Variants in ABCB4 observed in about 807,000 individuals in gnomAD.
ABCB4 encodes the protein phosphatidylcholine translocator ABCB4.
ABCB4 carries 76 observed loss-of-function variants against 145.7 expected under a neutral mutation model. The ratio of observed to expected loss-of-function variants is 0.52; its 90% confidence interval spans 0.43 to 0.63. The LOEUF (loss-of-function observed/expected upper bound fraction) is 0.63. Ranked by LOEUF, ABCB4 falls within the 30% of genes least tolerant of loss-of-function variation. The pLI is 0.00. For missense variants in ABCB4, 1,234 were observed against 1,553.1 expected, an observed-to-expected ratio of 0.79 and a Z score of 3.45; for synonymous variants, 517 against 566.8, an observed-to-expected ratio of 0.91 and a Z score of 1.25.
chr7:87,432,238 A>C lies in ABCB4; in HGVS notation c.1732-673T>G, dbSNP rs45529936. ...TTGCTGGGTGGATTTATAAATGGGC[A>C]TTTAAACCCTGGATAATGCCAATAA... is the stretch of plus-strand genomic sequence containing the variant. On this transcript the variant is annotated intron_variant, in intron 14 of 27. Coordinates refer to ENST00000649586, the MANE Select transcript of ABCB4 (RefSeq NM_000443.4). 2.0e-3 allele frequency among the ~76,000 whole-genome samples: 303 copies of C among 152,322 alleles called. 4 individuals carry two copies. The highest frequency in any genetic ancestry group is 0.018 in the Admixed American group (268 of 15,282).
chr7:87,451,322 G>C (rs1366619769), intron 7 of ABCB4, among the ~76,000 whole-genome samples: 1 of 152,050 alleles, frequency 6.6e-6, no homozygotes, highest in Non-Finnish European at 1.5e-5. Flanking sequence ...TTTTAGTAGA[G>C]ACAGAGTTTT....
intron 12 of ABCB4, among the ~76,000 whole-genome samples, chr7:87,441,465 G>GC (rs1455625170): frequency 2.0e-5 from 3 of 151,854 alleles, no homozygotes; most frequent in African/African-American, 7.3e-5. Context: ...CCAGAGAGTC[G>GC]CATGTTCATA....
chr7:87,382,272 C>A, the ABCB4 span: 8 of 1,403,542 alleles, frequency 5.7e-6, no homozygotes, highest in Non-Finnish European at 6.9e-6. Context: ...CATGTCTGCA[C>A]AAAACATTTT....
intron 12 of ABCB4, among the ~76,000 whole-genome samples, chr7:87,441,196 A>G (rs1161003706): frequency 6.6e-6 from 1 of 152,198 alleles, no homozygotes; most frequent in East Asian, 1.9e-4. Flanking sequence ...TTACATGTAC[A>G]ATGACTGGAT....
chr7:87,366,617 A>G, the ABCB4 span, among the ~76,000 whole-genome samples: 1 of 152,180 alleles, frequency 6.6e-6, no homozygotes, highest in Non-Finnish European at 1.5e-5. Context: ...TGTGATTTAC[A>G]GTTTAATGAT....
At chr7:87,372,375 T>TTG in the ABCB4 span, among the ~76,000 whole-genome samples, 1 of 152,224 alleles carries the variant, frequency 6.6e-6, no homozygotes, top group Non-Finnish European at 1.5e-5. Context: ...TGGATAATAT[T>TTG]TGTGTGTCTT....
At chr7:87,392,843 T>C in the ABCB4 span, 1 of 1,610,590 alleles carries the variant, frequency 6.2e-7, no homozygotes. Flanking sequence ...TGTAGTGTTT[T>C]ACAGCTTCAT....
chr7:87,408,922 T>G (rs1433304628), intron 24 of ABCB4, among the ~76,000 whole-genome samples: 5 of 152,212 alleles, frequency 3.3e-5, no homozygotes, highest in Non-Finnish European at 7.3e-5. Flanking sequence ...GTCAAATTAC[T>G]AATTGCATTA....
rs1016504529 is a variant in ABCB4, at chr7:87,431,714, T to C, written c.1732-149A>G. On this transcript the variant is annotated intron_variant, in intron 14 of 27. Coordinates refer to ENST00000649586, the MANE Select transcript of ABCB4 (RefSeq NM_000443.4). ...TCTCTGCGTGATTATGGCAAAGGCA[T>C]CACTCTTTATGAAAAATTAAAGTCA... is the stretch of plus-strand genomic sequence containing the variant. The C allele has an allele frequency of 6.8e-5, 77 of 1,140,002 alleles. 1 individual carries two copies. The highest frequency in any genetic ancestry group is 9.1e-5 in the Non-Finnish European group (71 of 779,406). 70.6% of individuals were successfully genotyped at this position (1,140,002 alleles called of 1,614,324 possible).
At chr7:87,371,808 T>C in the ABCB4 span, among the ~76,000 whole-genome samples, 3 of 151,930 alleles carry the variant, frequency 2.0e-5, no homozygotes, top group East Asian at 5.8e-4. Flanking sequence ...CTGGGCAACA[T>C]AGGGGGACCC....
chr7:87,460,898 T>C (rs1812414331), intron 4 of ABCB4, among the ~76,000 whole-genome samples: 2 of 152,310 alleles, frequency 1.3e-5, no homozygotes, highest in African/African-American at 2.4e-5. Context: ...TAATATGTTG[T>C]AGATCTGTAG....
At chr7:87,417,193 T>C in intron 21 of ABCB4, 119 bp downstream of exon 21, 2 of 890,586 alleles carry the variant, frequency 2.2e-6, no homozygotes. Flanking sequence ...TTGACAATTA[T>C]TAGTTGTAGT....
At chr7:87,407,995 TA>T (rs774294440) in intron 25 of ABCB4, 41 bp downstream of exon 25, 43 of 1,610,342 alleles carry the variant, frequency 2.7e-5, no homozygotes, top group Non-Finnish European at 3.6e-5. Context: ...TTGGGCCAAT[TA>T]AAATATAGCC....
chr7:87,412,236 T>C (rs1452074292), intron 22 of ABCB4, among the ~76,000 whole-genome samples: 1 of 152,216 alleles, frequency 6.6e-6, no homozygotes, highest in East Asian at 1.9e-4. Flanking sequence ...ACAAAAACCA[T>C]ATAAATGTCT....
At chr7:87,381,579 A>G in the ABCB4 span, among the ~76,000 whole-genome samples, 1 of 152,196 alleles carries the variant, frequency 6.6e-6, no homozygotes, top group African/African-American at 2.4e-5. Flanking sequence ...TTCGTGTTGC[A>G]TATATACACT....
At chr7:87,381,834 A>G in the ABCB4 span, 3 of 985,968 alleles carry the variant, frequency 3.0e-6, no homozygotes, top group Non-Finnish European at 4.6e-6. Context: ...GAATGGACAC[A>G]AAGTGAAAAT....
the ABCB4 span, among the ~76,000 whole-genome samples, chr7:87,366,528 G>A: frequency 6.6e-6 from 1 of 152,062 alleles, no homozygotes; most frequent in Non-Finnish European, 1.5e-5. Flanking sequence ...ACGATCCATA[G>A]GCTCTCATTT....
chr7:87,375,775 T>C, the ABCB4 span: 24,876 of 1,612,386 alleles, frequency 0.015, 242 homozygotes, highest in Non-Finnish European at 0.018. Context: ...CAAACTCTTT[T>C]GATGTATTGT....
chr7:87,368,829 A>G, the ABCB4 span, among the ~76,000 whole-genome samples: 3 of 152,338 alleles, frequency 2.0e-5, no homozygotes, highest in African/African-American at 7.2e-5. Flanking sequence ...GGTGTGCCAA[A>G]GAAATCAGAG....
Sources: gnomAD v4.1 joint callset for allele counts (sites outside exome capture counted in the v4.1 genomes callset) on GRCh38, gnomAD v4.1.1 for gene constraint, MANE v1.5 for transcripts, NCBI Gene and HGNC (gene_info 2026-07-23, HGNC 2026-07-21) for gene names.